The following KCND2 variants were observed in gnomAD, a reference collection of about 807,000 sequenced individuals.
KCND2 encodes A-type voltage-gated potassium channel KCND2.
A neutral mutation model predicts 54.4 loss-of-function variants in KCND2; 16 were observed. The ratio of observed to expected loss-of-function variants is 0.29; its 90% CI spans 0.20 to 0.45. The LOEUF is 0.45. Among genes scored for constraint, KCND2 ranks in the 20% least tolerant of loss-of-function variants. The probability of loss-of-function intolerance (pLI) is 1.00; values close to 1 mark genes in which losing one functional copy is unlikely to be tolerated. For missense variants in KCND2, 486 were observed against 824.2 expected, an observed-to-expected ratio of 0.59 and a Z score of 5.02; for synonymous variants, 317 against 310.7, an observed-to-expected ratio of 1.02 and a Z score of -0.21.
intron 1 of KCND2, among the ~76,000 whole-genome samples, chr7:120,646,995 G>A (rs577292008): frequency 9.9e-5 from 15 of 152,228 alleles, no homozygotes; most frequent in African/African-American, 3.6e-4. Context: ...TTTCGCCTAA[G>A]CAATAAAGAG....
intron 1 of KCND2, among the ~76,000 whole-genome samples, chr7:120,644,881 C>T (rs1284571106): frequency 1.3e-5 from 2 of 152,088 alleles, no homozygotes; most frequent in African/African-American, 2.4e-5. Context: ...CCTTCATACA[C>T]GCATGATAGA....
At chr7:120,579,130 C>T (rs1792479674) in intron 1 of KCND2, among the ~76,000 whole-genome samples, 1 of 151,622 alleles carries the variant, frequency 6.6e-6, no homozygotes, top group African/African-American at 2.4e-5. Context: ...ATATTTTAAC[C>T]ATAATAAACC....
intron 1 of KCND2, among the ~76,000 whole-genome samples, chr7:120,438,590 C>G (rs1035321844): frequency 6.6e-6 from 1 of 152,088 alleles, no homozygotes; most frequent in African/African-American, 2.4e-5. Context: ...GGCACTAATA[C>G]TAGTGGGTCT....
At chr7:120,522,550 C>T (rs563148793) in intron 1 of KCND2, among the ~76,000 whole-genome samples, 119 of 152,278 alleles carry the variant, frequency 7.8e-4, no homozygotes, top group African/African-American at 2.7e-3. Context: ...TGAGCACTCT[C>T]TTGTGCTTTG....
At chr7:120,742,674 G>A (rs770373669) in intron 4 of KCND2, 72 bp downstream of exon 4, 1 of 1,142,050 alleles carries the variant, frequency 8.8e-7, no homozygotes, top group Non-Finnish European at 1.3e-6. Context: ...CATACTTAAT[G>A]CTTCCGAGTG....
intron 1 of KCND2, among the ~76,000 whole-genome samples, chr7:120,297,932 A>G (rs1799533445): frequency 6.6e-6 from 1 of 152,156 alleles, no homozygotes; most frequent in Admixed American, 6.5e-5. Context: ...ACTTTCTGTG[A>G]TGATGGAAAT....
At chr7:120,384,906 C>T (rs532650089) in intron 1 of KCND2, among the ~76,000 whole-genome samples, 4 of 150,204 alleles carry the variant, frequency 2.7e-5, no homozygotes, top group South Asian at 4.2e-4. Flanking sequence ...TTCGGGAAGA[C>T]GAGTTGTATT....
intron 1 of KCND2, among the ~76,000 whole-genome samples, chr7:120,709,001 A>G (rs1246712517): frequency 6.6e-6 from 1 of 152,092 alleles, no homozygotes; most frequent in African/African-American, 2.4e-5. Flanking sequence ...TAAGTGGCAA[A>G]ACATCATCAA....
chr7:120,403,659 T>C (rs1265761750), intron 1 of KCND2, among the ~76,000 whole-genome samples: 1 of 151,870 alleles, frequency 6.6e-6, no homozygotes, highest in Non-Finnish European at 1.5e-5. Flanking sequence ...GACTTATAAT[T>C]GAAAACAATT....
chr7:120,275,871 T>A, intron 1 of KCND2, 124 bp downstream of exon 1: 2 of 1,102,818 alleles, frequency 1.8e-6, no homozygotes, highest in Non-Finnish European at 2.6e-6. Context: ...AGGAAAGCAT[T>A]ATCTAAATGG....
At chr7:120,617,129 A>G (rs1429009740) in intron 1 of KCND2, among the ~76,000 whole-genome samples, 1 of 152,182 alleles carries the variant, frequency 6.6e-6, no homozygotes, top group Non-Finnish European at 1.5e-5. Flanking sequence ...TATATTCCAG[A>G]GTTTCTTAGG....
intron 1 of KCND2, among the ~76,000 whole-genome samples, chr7:120,562,678 T>C (rs1167962479): frequency 1.3e-5 from 2 of 152,176 alleles, no homozygotes; most frequent in Non-Finnish European, 2.9e-5. Context: ...AAAAGTCTCT[T>C]AAGGGGAAAT....
intron 1 of KCND2, among the ~76,000 whole-genome samples, chr7:120,477,427 G>T (rs1355283189): frequency 6.6e-6 from 1 of 152,098 alleles, no homozygotes; most frequent in Non-Finnish European, 1.5e-5. Flanking sequence ...TAGCTTTGCT[G>T]TAAACCTGAA....
At chr7:120,599,469 T>C (rs887561104) in intron 1 of KCND2, among the ~76,000 whole-genome samples, 9 of 152,178 alleles carry the variant, frequency 5.9e-5, no homozygotes, top group African/African-American at 1.9e-4. Context: ...GAATTCAGTA[T>C]ATTTCTCCAT....
rs949963800 is a variant in KCND2, at chr7:120,273,346, G to A, written c.-1287G>A. ...GCGCTGCCGAGCGCCTTCTGCCTCC[G>A]CGCTCGGACGAGAGCCCGTGCCGGC... On this transcript the variant is annotated 5_prime_UTR_variant, in exon 1 of 6. Transcript: ENST00000331113. Among the ~76,000 whole-genome samples, 17 of 149,588 alleles carry A rather than the reference G, an allele frequency of 1.1e-4. No individual in the cohort carries two copies. The highest frequency in any genetic ancestry group is 2.0e-4 in the Admixed American group (3 of 15,008).
chr7:120,571,185 T>C (rs1443905156), intron 1 of KCND2, among the ~76,000 whole-genome samples: 1 of 152,240 alleles, frequency 6.6e-6, no homozygotes, highest in Non-Finnish European at 1.5e-5. Flanking sequence ...CCCAGACATC[T>C]GTTCCTAGTT....
At chr7:120,701,262 A>G (rs1291169409) in intron 1 of KCND2, among the ~76,000 whole-genome samples, 1 of 139,746 alleles carries the variant, frequency 7.2e-6, no homozygotes, top group East Asian at 2.0e-4. Flanking sequence ...AAAAAAAAAA[A>G]AAAAAAAAAA....
intron 1 of KCND2, among the ~76,000 whole-genome samples, chr7:120,521,767 A>G (rs2116348063): frequency 6.6e-6 from 1 of 152,304 alleles, no homozygotes; most frequent in African/African-American, 2.4e-5. Flanking sequence ...GAGTGTGTAT[A>G]TAGTTTGTAT....
At chr7:120,289,417 A>C (rs1208980437) in intron 1 of KCND2, among the ~76,000 whole-genome samples, 1 of 152,128 alleles carries the variant, frequency 6.6e-6, no homozygotes, top group Non-Finnish European at 1.5e-5. Context: ...AAATCAAGCA[A>C]ACACTTTTAG....
Sources: gnomAD v4.1 joint callset for allele counts (sites outside exome capture counted in the v4.1 genomes callset) on GRCh38, gnomAD v4.1.1 for gene constraint, MANE v1.5 for transcripts, NCBI Gene and HGNC (gene_info 2026-07-23, HGNC 2026-07-21) for gene names.